Variants in RMDN1 observed in about 807,000 individuals in gnomAD.
The protein encoded by RMDN1 is regulator of microtubule dynamics 1, also known as regulator of microtubule dynamics protein 1.
RMDN1 carries 48 observed loss-of-function variants against 48.9 expected under a neutral mutation model. The observed-to-expected ratio is 0.98, with a 90% CI of 0.78 to 1.25. The LOEUF (loss-of-function observed/expected upper bound fraction) is 1.25. Ranked by LOEUF, RMDN1 falls within the 50% of genes most tolerant of loss-of-function variation. RMDN1 has a pLI of 0.00. For missense variants in RMDN1, 418 were observed against 373.4 expected (o/e 1.12, Z -0.98); for synonymous variants, 148 against 132.6 (o/e 1.12, Z -0.80).
At position 86,508,686 on chromosome 8, in the gene RMDN1, G is replaced by C; in HGVS notation, c.-66C>G. On this transcript the variant is annotated 5_prime_UTR_variant, in exon 1 of 10. Coordinates refer to ENST00000406452, the MANE Select transcript of RMDN1 (RefSeq NM_016033.3). Reference sequence around the variant, plus strand: ...GCTACGGAGGCGGGCGGGGCTAAAGGAGATTCAATCCTTCCGGAAAGAACC... The same window carrying C: ...GCTACGGAGGCGGGCGGGGCTAAAGCAGATTCAATCCTTCCGGAAAGAACC... 2 of 1,458,592 alleles carry C rather than the reference G, an allele frequency of 1.4e-6. No homozygotes were observed. Among genetic ancestry groups the C allele is most frequent in the South Asian group, 2.7e-5 (2 of 73,248 alleles). The allele number at this position is 1,458,592 out of a possible 1,614,324, so 90.4% of individuals were successfully genotyped here.
intron 2 of RMDN1, chr8:86,503,719 C>T (rs1818794051): frequency 4.6e-5 from 22 of 474,228 alleles, no homozygotes; most frequent in South Asian, 3.6e-4. Context: ...CTTTGAGTGA[C>T]CAGGCAAATA....
intron 2 of RMDN1, chr8:86,505,164 T>C (rs1218590500): frequency 5.3e-6 from 6 of 1,128,614 alleles, no homozygotes; most frequent in African/African-American, 1.6e-5. Flanking sequence ...TTCTGAATGC[T>C]GCTACTTGAT....
At chr8:86,470,299 G>C, downstream of RMDN1, 1 of 1,289,326 alleles carries the variant, frequency 7.8e-7, no homozygotes, top group Non-Finnish European at 1.0e-6. Flanking sequence ...ATCAGGTGGG[G>C]GCTGCACGGG....
chr8:86,492,774 T>C (rs1038546587), intron 2 of RMDN1, among the ~76,000 whole-genome samples: 1 of 151,658 alleles, frequency 6.6e-6, no homozygotes, highest in Non-Finnish European at 1.5e-5. Context: ...TAAATATAGA[T>C]ATAACCATTT....
intron 2 of RMDN1, chr8:86,494,714 C>T: frequency 4.6e-6 from 1 of 217,458 alleles, no homozygotes; most frequent in Non-Finnish European, 9.5e-6. Flanking sequence ...TATCAGCTGG[C>T]TGTGGTGGCT....
downstream of RMDN1, chr8:86,470,435 T>C (rs1294942551): frequency 3.2e-6 from 4 of 1,260,068 alleles, no homozygotes; most frequent in Admixed American, 2.5e-5. Context: ...GGAAGAGACT[T>C]AGTGCACAGA....
chr8:86,478,827 C>T (rs899766376), intron 7 of RMDN1, 96 bp downstream of exon 7: 12 of 922,594 alleles, frequency 1.3e-5, no homozygotes, highest in Non-Finnish European at 1.8e-5. Flanking sequence ...TTGCTCAAGT[C>T]CCTCACTGAA....
intron 2 of RMDN1, chr8:86,504,733 G>A (rs945256072): frequency 1.0e-5 from 10 of 993,446 alleles, no homozygotes; most frequent in Admixed American, 6.8e-5. Flanking sequence ...CCCATTTCCT[G>A]GTTTATTGTG....
intron 7 of RMDN1, among the ~76,000 whole-genome samples, chr8:86,477,667 A>G (rs1255702769): frequency 6.6e-6 from 1 of 152,214 alleles, no homozygotes; most frequent in African/African-American, 2.4e-5. Context: ...TTTAGTAAAA[A>G]CAAAATATAA....
chr8:86,508,571 G>A lies in RMDN1; in HGVS notation c.50C>T (p.Ala17Val), dbSNP rs754199684. 2 of 1,602,160 alleles carry A rather than the reference G, an allele frequency of 1.2e-6. No individual in the cohort carries two copies. The highest frequency in any genetic ancestry group is 2.7e-5 in the African/African-American group (2 of 74,786). The change falls in exon 1 of 10, where the codon GCC (alanine) becomes GTC (valine). Residue 17 changes from alanine to valine, a missense_variant. Coordinates refer to ENST00000406452, the MANE Select transcript of RMDN1 (RefSeq NM_016033.3). Reference protein sequence around the residue: ...LWRLLPFRRGAAPGSRLPAGT... With the variant: ...LWRLLPFRRGVAPGSRLPAGT... The stretch of plus-strand genomic sequence containing the variant: ...CGCAGGGAGACGAGACCCCGGGGCG[G>A]CTCCACGTCGGAAAGGCAGAAGGCG...
chr8:86,483,277 T>C (rs1296001276), intron 5 of RMDN1, among the ~76,000 whole-genome samples: 1 of 152,228 alleles, frequency 6.6e-6, no homozygotes, highest in Non-Finnish European at 1.5e-5. Flanking sequence ...TCTATAACCT[T>C]CACTGTTTTT....
chr8:86,508,152 G>A (rs1379163134), intron 1 of RMDN1: 1 of 252,534 alleles, frequency 4.0e-6, no homozygotes, highest in Admixed American at 5.5e-5. Context: ...AGCCTCAAGC[G>A]CTGTTGTATC....
intron 8 of RMDN1, among the ~76,000 whole-genome samples, chr8:86,475,655 C>T (rs1341897375): frequency 6.6e-6 from 1 of 152,124 alleles, no homozygotes; most frequent in East Asian, 1.9e-4. Flanking sequence ...ATCTCACCAA[C>T]TTAATTCTTC....
At chr8:86,489,703 G>A (rs886920765) in intron 2 of RMDN1, among the ~76,000 whole-genome samples, 3 of 152,012 alleles carry the variant, frequency 2.0e-5, no homozygotes, top group Admixed American at 6.5e-5. Flanking sequence ...GATGGCGTGC[G>A]CCTGTAATCC....
chr8:86,470,766 A>G (rs1228929143), downstream of RMDN1, among the ~76,000 whole-genome samples: 1 of 152,190 alleles, frequency 6.6e-6, no homozygotes, highest in Non-Finnish European at 1.5e-5. Context: ...TGAGTGAAAA[A>G]AAGTATCACA....
intron 5 of RMDN1, 104 bp downstream of exon 5, chr8:86,484,768 G>T: frequency 1.8e-6 from 1 of 541,146 alleles, no homozygotes; most frequent in South Asian, 2.4e-5. Flanking sequence ...CTACTCCACT[G>T]TTATCATAGG....
In RMDN1 at chr8:86,479,159, A is replaced by G. The variant is rs1813900625; in HGVS notation, c.642-149T>C. ...ATGATATCTACTAGGTAATCCAGAG[A>G]TTGACATAGTGATCCTTTAGCTGGG... is the stretch of plus-strand genomic sequence containing the variant. On this transcript the variant is annotated intron_variant, in intron 6 of 9. Transcript: ENST00000406452. 4 of 605,030 alleles carry G rather than the reference A, an allele frequency of 6.6e-6. No homozygotes were observed. The South Asian group carries it at 8.4e-5, about 13-fold the overall frequency. The allele number at this position is 605,030 out of a possible 1,614,324, so 37.5% of individuals were successfully genotyped here.
chr8:86,510,546 C>G (rs140423612), upstream of RMDN1, among the ~76,000 whole-genome samples: 36 of 152,264 alleles, frequency 2.4e-4, no homozygotes, highest in African/African-American at 7.5e-4. Flanking sequence ...AACTTTTGGG[C>G]TGAAGAACTC....
chr8:86,511,168 A>T (rs1405545262), upstream of RMDN1, among the ~76,000 whole-genome samples: 1 of 151,954 alleles, frequency 6.6e-6, no homozygotes, highest in African/African-American at 2.4e-5. Context: ...CGTCTTTAAA[A>T]AAAAAAGAAA....
Sources: gnomAD v4.1 joint callset for allele counts (sites outside exome capture counted in the v4.1 genomes callset) on GRCh38, gnomAD v4.1.1 for gene constraint, MANE v1.5 for transcripts, NCBI Gene and HGNC (gene_info 2026-07-23, HGNC 2026-07-21) for gene names.